Variants in VGLL3 observed in about 807,000 individuals in gnomAD.
VGLL3 encodes the protein transcription cofactor vestigial-like protein 3.
In VGLL3, 18 loss-of-function variants were observed where a neutral mutation model predicts 29.2. The ratio of observed to expected loss-of-function variants is 0.62; its 90% CI spans 0.43 to 0.91. The LOEUF is 0.91. Among genes scored for constraint, VGLL3 ranks in the 40% least tolerant of loss-of-function variants. The probability of loss-of-function intolerance (pLI) is 0.00; values close to 1 mark genes in which losing one functional copy is unlikely to be tolerated. For synonymous variants in VGLL3, 180 were observed against 151.8 expected (o/e 1.19, Z -1.36); for missense variants, 440 against 413.2 (o/e 1.06, Z -0.56).
intron 3 of VGLL3, among the ~76,000 whole-genome samples, chr3:86,963,829 G>A (rs1210963333): frequency 2.0e-5 from 3 of 152,182 alleles, no homozygotes; most frequent in African/African-American, 7.2e-5. Flanking sequence ...GCAGAGCTGG[G>A]CTGACAAAAT....
intron 1 of VGLL3, among the ~76,000 whole-genome samples, chr3:86,989,573 G>T (rs1705534822): frequency 6.6e-6 from 1 of 152,044 alleles, no homozygotes; most frequent in Non-Finnish European, 1.5e-5. Flanking sequence ...ACCTAAGAAG[G>T]TTTGCAATAA....
At chr3:86,979,079 T>C (rs937549987) in intron 1 of VGLL3, among the ~76,000 whole-genome samples, 2 of 152,322 alleles carry the variant, frequency 1.3e-5, no homozygotes, top group South Asian at 2.1e-4. Flanking sequence ...GATTTTGTTT[T>C]TGCTTTTGTT....
At chr3:86,987,658 A>C (rs1265204618) in intron 1 of VGLL3, among the ~76,000 whole-genome samples, 1 of 152,218 alleles carries the variant, frequency 6.6e-6, no homozygotes, top group East Asian at 1.9e-4. Flanking sequence ...TTTTGGCTCT[A>C]TAAACCCCAC....
chr3:86,970,329 C>G (rs17028628), intron 2 of VGLL3, among the ~76,000 whole-genome samples: 12,100 of 151,960 alleles, frequency 0.08, 1,261 homozygotes, highest in African/African-American at 0.24. Flanking sequence ...CAAGGTGACA[C>G]GGTAGGTATT....
chr3:86,953,626 TA>T (rs1359838899), intron 3 of VGLL3, among the ~76,000 whole-genome samples: 2 of 152,208 alleles, frequency 1.3e-5, no homozygotes, highest in Non-Finnish European at 2.9e-5. Context: ...TATTATAGAT[TA>T]AAAGTATCTA....
At chr3:86,956,781 T>A (rs1575862900) in intron 3 of VGLL3, among the ~76,000 whole-genome samples, 1 of 105,008 alleles carries the variant, frequency 9.5e-6, no homozygotes. Flanking sequence ...CGAGACTCCG[T>A]CCCACCGTCC....
chr3:86,978,860 A>G (rs1705268234), intron 1 of VGLL3, 58 bp from the exon 2 acceptor site: 3 of 1,485,772 alleles, frequency 2.0e-6, no homozygotes, highest in Middle Eastern at 3.6e-4. Context: ...AGCATTCACT[A>G]GTTAAGTTTT....
At chr3:86,948,043 T>C (rs1324322667) in intron 3 of VGLL3, among the ~76,000 whole-genome samples, 2 of 152,120 alleles carry the variant, frequency 1.3e-5, no homozygotes, top group Non-Finnish European at 2.9e-5. Flanking sequence ...GATGAACTTA[T>C]ATATTGTGAA....
chr3:86,981,741 A>C (rs1705329075), intron 1 of VGLL3, among the ~76,000 whole-genome samples: 1 of 152,238 alleles, frequency 6.6e-6, no homozygotes, highest in Non-Finnish European at 1.5e-5. Context: ...TAGGCAGGAC[A>C]CAAGAATGTC....
chr3:86,967,943 T>C (rs1215601126), intron 3 of VGLL3, among the ~76,000 whole-genome samples: 1 of 152,128 alleles, frequency 6.6e-6, no homozygotes, highest in Non-Finnish European at 1.5e-5. Context: ...AATTTTATAG[T>C]AGTCTTTTAA....
chr3:86,977,259 G>A (rs1411106596), intron 2 of VGLL3, among the ~76,000 whole-genome samples: 1 of 152,086 alleles, frequency 6.6e-6, no homozygotes, highest in South Asian at 2.1e-4. Context: ...AGGAAGGAGA[G>A]AGGGTAAGAA....
chr3:86,971,880 C>T (rs1575873023), intron 2 of VGLL3, among the ~76,000 whole-genome samples: 1 of 152,320 alleles, frequency 6.6e-6, no homozygotes, highest in South Asian at 2.1e-4. Context: ...CTCACAACTC[C>T]CATCTTTGGG....
intron 1 of VGLL3, among the ~76,000 whole-genome samples, chr3:86,981,005 A>T (rs1175232538): frequency 6.6e-6 from 1 of 152,182 alleles, no homozygotes; most frequent in East Asian, 1.9e-4. Flanking sequence ...GTTTAATTGT[A>T]ACATTCATTC....
rs1219807369 is a variant in VGLL3, at chr3:86,939,494, A to T, written c.*7530T>A. On this transcript the variant is annotated 3_prime_UTR_variant, in exon 4 of 4. Transcript: ENST00000398399. ...CAAAATATTAGCCTTGTGTGGTAGC[A>T]CGCATCTGTAGTCCCAGCTACTCGA... The T allele has an allele frequency of 6.6e-6, 1 of 152,246 alleles. No homozygotes were observed. The highest frequency in any genetic ancestry group is 1.5e-5 in the Non-Finnish European group (1 of 68,128). The allele number at this position is 152,246 out of a possible 1,614,324, so 9.4% of individuals were successfully genotyped here.
intron 2 of VGLL3, among the ~76,000 whole-genome samples, chr3:86,974,315 C>T (rs1263001143): frequency 1.3e-5 from 2 of 152,012 alleles, no homozygotes; most frequent in African/African-American, 2.4e-5. Flanking sequence ...GATGGGGTTT[C>T]ACAATGTTGC....
chr3:86,948,985 T>A (rs1339211303), intron 3 of VGLL3, among the ~76,000 whole-genome samples: 2 of 152,294 alleles, frequency 1.3e-5, no homozygotes, highest in African/African-American at 4.8e-5. Flanking sequence ...ATATAAATAT[T>A]TTTTTAATTA....
chr3:86,988,306 C>T (rs997785844), intron 1 of VGLL3, among the ~76,000 whole-genome samples: 3 of 151,948 alleles, frequency 2.0e-5, no homozygotes, highest in Non-Finnish European at 4.4e-5. Flanking sequence ...GTCTCCCAGG[C>T]AAGATGCTAT....
chr3:86,949,414 A>T (rs1704568790), intron 3 of VGLL3, among the ~76,000 whole-genome samples: 2 of 152,190 alleles, frequency 1.3e-5, no homozygotes, highest in South Asian at 4.1e-4. Context: ...GTGATGGAAC[A>T]TAAAAAATTT....
At chr3:86,964,949 G>A (rs1319465610) in intron 3 of VGLL3, among the ~76,000 whole-genome samples, 11 of 152,216 alleles carry the variant, frequency 7.2e-5, no homozygotes, top group Non-Finnish European at 1.5e-4. Context: ...GATGAGGTCA[G>A]GAGTTCGAGA....
Sources: gnomAD v4.1 joint callset for allele counts (sites outside exome capture counted in the v4.1 genomes callset) on GRCh38, gnomAD v4.1.1 for gene constraint, MANE v1.5 for transcripts, NCBI Gene and HGNC (gene_info 2026-07-23, HGNC 2026-07-21) for gene names.